The following IWS1 variants were observed in gnomAD, a reference collection of about 807,000 sequenced individuals.
IWS1 encodes the protein interacts with SUPT6H, CTD assembly factor 1, also known as protein IWS1 homolog.
IWS1 carries 27 observed loss-of-function variants against 86.7 expected under a neutral mutation model. That is an observed-to-expected ratio of 0.31 (90% CI 0.23 to 0.43). IWS1 has a LOEUF of 0.43. Among genes scored for constraint, IWS1 ranks in the 20% least tolerant of loss-of-function variants. IWS1 has a pLI of 1.00. For missense variants in IWS1, 827 were observed against 1,000.8 expected (o/e 0.83, Z 2.34); for synonymous variants, 313 against 335.1 (o/e 0.93, Z 0.72).
At chr2:127,524,256 T>C (rs1482900379) in intron 1 of IWS1, among the ~76,000 whole-genome samples, 1 of 152,272 alleles carries the variant, frequency 6.6e-6, no homozygotes, top group African/African-American at 2.4e-5. Context: ...AGTAAGTATT[T>C]GTTTACAAAT....
chr2:127,483,845 G>A (rs1689790405), intron 13 of IWS1, among the ~76,000 whole-genome samples: 1 of 152,040 alleles, frequency 6.6e-6, no homozygotes, highest in South Asian at 2.1e-4. Flanking sequence ...TGTCCAGGCT[G>A]ATATTTAGTA....
intron 12 of IWS1, among the ~76,000 whole-genome samples, chr2:127,488,576 T>TCTGTTTA (rs1690056312): frequency 1.3e-5 from 2 of 152,122 alleles, no homozygotes; most frequent in Admixed American, 1.3e-4. Context: ...GCTGTATCAC[T>TCTGTTTA]GCCTCAGTCC....
At chr2:127,491,400 T>C (rs556464704) in intron 10 of IWS1, among the ~76,000 whole-genome samples, 1 of 152,238 alleles carries the variant, frequency 6.6e-6, no homozygotes, top group East Asian at 1.9e-4. Context: ...CCTCTCTTTC[T>C]CCATGCTCTC....
intron 6 of IWS1, among the ~76,000 whole-genome samples, chr2:127,497,876 A>G (rs759252315): frequency 1.2e-4 from 18 of 152,200 alleles, no homozygotes; most frequent in African/African-American, 3.4e-4. Flanking sequence ...GTTATTTTTC[A>G]TAAGAGTTTA....
chr2:127,488,814 A>G (rs1690066767), intron 12 of IWS1, among the ~76,000 whole-genome samples: 1 of 152,180 alleles, frequency 6.6e-6, no homozygotes, highest in Non-Finnish European at 1.5e-5. Flanking sequence ...TTGCCATTCC[A>G]AACACAGACC....
intron 13 of IWS1, among the ~76,000 whole-genome samples, chr2:127,481,434 T>C (rs755563167): frequency 6.6e-6 from 1 of 151,326 alleles, no homozygotes; most frequent in East Asian, 1.9e-4. Flanking sequence ...GTCTCCTAGA[T>C]GGGAGAAAGG....
chr2:127,506,156 T>C (rs541079857), intron 2 of IWS1, among the ~76,000 whole-genome samples: 1 of 152,226 alleles, frequency 6.6e-6, no homozygotes, highest in South Asian at 2.1e-4. Flanking sequence ...TCACCTGAGG[T>C]CAGGAGTTCG....
Position 127,489,498 on chromosome 2 carries a change from A to G in IWS1, c.2160-263T>C. ...GATGCAACTGTATCCACTATTATCA[A>G]TACAAACTAAAACTATAACATTTTT... is the stretch of plus-strand genomic sequence containing the variant. On this transcript the variant is annotated intron_variant, in intron 11 of 13. Transcript: ENST00000295321. The surrounding 1 kb of genome is among the most constrained non-coding windows in gnomAD (Gnocchi z 4.8). 1 of 513,528 alleles carries G rather than the reference A, an allele frequency of 1.9e-6. No homozygotes were observed. The allele number at this position is 513,528 out of a possible 1,614,324, so 31.8% of individuals were successfully genotyped here.
At chr2:127,488,713 C>T (rs565404296) in intron 12 of IWS1, among the ~76,000 whole-genome samples, 19 of 152,340 alleles carry the variant, frequency 1.2e-4, no homozygotes, top group Non-Finnish European at 2.5e-4. Context: ...AATTCCTCAT[C>T]TTGATTCAAA....
At chr2:127,518,245 G>T (rs78002316) in intron 2 of IWS1, among the ~76,000 whole-genome samples, 8 of 152,104 alleles carry the variant, frequency 5.3e-5, no homozygotes, top group African/African-American at 1.9e-4. Context: ...GGCCAGGCAC[G>T]GTGCTCATAC....
At chr2:127,510,317 C>A (rs139933365) in intron 2 of IWS1, among the ~76,000 whole-genome samples, 5 of 152,244 alleles carry the variant, frequency 3.3e-5, no homozygotes, top group Admixed American at 1.3e-4. Context: ...AGTGTTGCAA[C>A]ACTCTGAGAA....
chr2:127,512,988 C>G (rs943217554), intron 2 of IWS1, among the ~76,000 whole-genome samples: 3 of 152,222 alleles, frequency 2.0e-5, no homozygotes, highest in African/African-American at 7.2e-5. Context: ...ACCCATAAAA[C>G]CCAGCACTTT....
chr2:127,503,397 T>C lies in IWS1; in HGVS notation c.1399A>G (p.Asn467Asp). 6.2e-7 allele frequency: 1 copy of C among 1,611,484 alleles called. No homozygotes were observed. Among genetic ancestry groups the C allele is most frequent in the Non-Finnish European group, 8.5e-7 (1 of 1,178,790 alleles). ...DLFGSDSESGNEEENLIADIF... is the reference protein window; with the variant it reads ...DLFGSDSESGDEEENLIADIF... ...TATACTGTCACTTACTCTTCTTCAT[T>C]GCCTGACTCACTGTCACTCCCAAAC... is the stretch of plus-strand genomic sequence containing the variant. Residue 467 changes from asparagine (N) to aspartate (D), a missense_variant, in exon 4 of 14, where the codon AAT (asparagine) becomes GAT (aspartate). This residue lies in a region of IWS1 where 279 missense variants were observed against 440.6 expected (regional missense o/e 0.63). Coordinates refer to ENST00000295321, the MANE Select transcript of IWS1 (RefSeq NM_017969.3).
intron 1 of IWS1, among the ~76,000 whole-genome samples, chr2:127,525,947 A>G (rs1692383676): frequency 1.3e-5 from 2 of 152,256 alleles, no homozygotes; most frequent in Admixed American, 1.3e-4. Flanking sequence ...TCCCAATTTC[A>G]GCAAAAACCT....
chr2:127,504,812 T>C lies in IWS1; in HGVS notation c.1091A>G (p.Asp364Gly). 6.2e-7 allele frequency: 1 copy of C among 1,614,212 alleles called. No individual in the cohort carries two copies. The highest frequency in any genetic ancestry group is 2.2e-5 in the East Asian group (1 of 44,886). Residue 364 changes from aspartate (D) to glycine (G), a missense_variant, in exon 3 of 14, where the codon GAT becomes GGT. Asp to Gly is a moderately conservative substitution (Grantham distance 94). Coordinates refer to ENST00000295321, the MANE Select transcript of IWS1 (RefSeq NM_017969.3). ...CTTTTTGTGTTCTTCCTCCTCACTATCAGAACTGTGAAACTTTTTTCTGTC... is the reference window on the plus strand; with the variant it reads ...CTTTTTGTGTTCTTCCTCCTCACTACCAGAACTGTGAAACTTTTTTCTGTC... ...HMDRKKFHSS[D>G]SEEEEHKKQK...
At chr2:127,503,340 C>T (rs1488504807) in intron 4 of IWS1, 47 bp downstream of exon 4, 4 of 1,416,238 alleles carry the variant, frequency 2.8e-6, no homozygotes, top group Non-Finnish European at 2.9e-6. Flanking sequence ...CCCCTCTCTA[C>T]TGCCTAATTA....
intron 2 of IWS1, among the ~76,000 whole-genome samples, chr2:127,518,863 C>G (rs1691926818): frequency 6.6e-6 from 1 of 152,074 alleles, no homozygotes; most frequent in African/African-American, 2.4e-5. Flanking sequence ...AGTCACCGCA[C>G]CCGGCCCAAG....
Position 127,505,723 on chromosome 2 carries a change from G to A in IWS1, c.180C>T (p.Leu60=), listed in dbSNP as rs1691108868. 2.5e-6 allele frequency: 4 copies of A among 1,570,562 alleles called. No homozygotes were observed. Among genetic ancestry groups the A allele is most frequent in the Non-Finnish European group, 2.6e-6 (3 of 1,162,244 alleles). ...ENETSDREDG[L]PKGHHVTDSE... Reference sequence around the variant, plus strand: ...AGTCTGTCACATGATGTCCTTTGGGGAGGCCATCTTCTCGATCACTAGTTT... The same window carrying A: ...AGTCTGTCACATGATGTCCTTTGGGAAGGCCATCTTCTCGATCACTAGTTT... The change falls in exon 3 of 14, where the codon CTC becomes CTT. Residue 60 remains leucine (L), a synonymous_variant. Coordinates refer to ENST00000295321, the MANE Select transcript of IWS1 (RefSeq NM_017969.3). The surrounding 1 kb of genome is among the most constrained non-coding windows in gnomAD (Gnocchi z 5.0).
At position 127,526,475 on chromosome 2, in the gene IWS1, G is replaced by A. The variant is rs987348230; in HGVS notation, c.-267C>T. On this transcript the variant is annotated 5_prime_UTR_variant, in exon 1 of 14. Coordinates refer to ENST00000295321, the MANE Select transcript of IWS1 (RefSeq NM_017969.3). ...TCTACTTCCTAGAAGCACCGCTGGG[G>A]CCAAAATGGCGTCTGCCCACGACCC... The A allele has an allele frequency of 2.3e-5, 35 of 1,525,098 alleles. No individual in the cohort carries two copies. The highest frequency in any genetic ancestry group is 2.9e-5 in the Non-Finnish European group (33 of 1,133,048). The allele number at this position is 1,525,098 out of a possible 1,614,324, so 94.5% of individuals were successfully genotyped here.
Sources: gnomAD v4.1 joint callset for allele counts (sites outside exome capture counted in the v4.1 genomes callset) on GRCh38, gnomAD v4.1.1 for gene constraint, gnomAD v4.1.1 regional missense constraint, Gnocchi (gnomAD v3.1) non-coding constraint, MANE v1.5 for transcripts, NCBI Gene and HGNC (gene_info 2026-07-23, HGNC 2026-07-21) for gene names.